The following CHFR variants were observed in gnomAD, a reference collection of about 807,000 sequenced individuals.
CHFR encodes the protein E3 ubiquitin-protein ligase CHFR.
A neutral mutation model predicts 87.6 loss-of-function variants in CHFR; 57 were observed. The observed-to-expected ratio is 0.65, with a 90% CI of 0.53 to 0.81. The LOEUF (loss-of-function observed/expected upper bound fraction) is 0.81. Ranked by LOEUF, CHFR falls within the 30% of genes least tolerant of loss-of-function variation. The probability of loss-of-function intolerance (pLI) is 0.00; values close to 1 mark genes in which losing one functional copy is unlikely to be tolerated. For missense variants in CHFR, 797 were observed against 865.8 expected, an observed-to-expected ratio of 0.92 and a Z score of 1.00; for synonymous variants, 381 against 359.2, an observed-to-expected ratio of 1.06 and a Z score of -0.69.
chr12:132,835,817 C>T lies in CHFR; in HGVS notation c.*5737G>A, dbSNP rs113258909. 3.6e-6 allele frequency: 1 copy of T among 276,844 alleles called. No homozygotes were observed. The highest frequency in any genetic ancestry group is 6.9e-6 in the Non-Finnish European group (1 of 145,678). The allele number at this position is 276,844 out of a possible 1,614,324, so 17.1% of individuals were successfully genotyped here. On this transcript the variant is annotated 3_prime_UTR_variant, in exon 18 of 18. Transcript: ENST00000450056. ...GCATGCTCCCAGCACAGCGCACGGCCCTCACAGTGCCAGGCTCCCAGCACA... is the reference window on the plus strand; with the variant it reads ...GCATGCTCCCAGCACAGCGCACGGCTCTCACAGTGCCAGGCTCCCAGCACA...
Position 132,872,358 on chromosome 12 carries a change from A to C in CHFR, c.270T>G (p.Val90=). 6.2e-7 allele frequency: 1 copy of C among 1,613,626 alleles called. No individual in the cohort carries two copies. The highest frequency in any genetic ancestry group is 8.5e-7 in the Non-Finnish European group (1 of 1,179,524). ...TCTGTAAAGGGCATGTCTGCTTCTT[A>C]ACAACCTTCAGCTTGTTAATCACTG... ...SGTVINKLKV[V]KKQTCPLQTG... The change falls in exon 4 of 18, where the codon GTT becomes GTG. Residue 90 remains valine (V), a synonymous_variant. Coordinates refer to ENST00000450056, the MANE Select transcript of CHFR (RefSeq NM_001161346.2).
intron 15 of CHFR, among the ~76,000 whole-genome samples, chr12:132,846,600 G>T (rs184400529): frequency 9.9e-4 from 150 of 152,006 alleles, no homozygotes; most frequent in African/African-American, 3.4e-3. Flanking sequence ...CAACCTGAAG[G>T]CCGGGCATAG....
chr12:132,874,726 G>A (rs1345037896), intron 3 of CHFR, among the ~76,000 whole-genome samples: 247 of 54,362 alleles, frequency 4.5e-3, no homozygotes, highest in Admixed American at 7.2e-3. Flanking sequence ...AGGAAGGCCC[G>A]GGACCAGCAC....
intron 14 of CHFR, 38 bp downstream of exon 14, chr12:132,848,047 T>C (rs1950864430): frequency 3.7e-6 from 6 of 1,610,818 alleles, no homozygotes; most frequent in Non-Finnish European, 3.4e-6. Flanking sequence ...AGGGAGAAAA[T>C]GTGGCTCCCG....
intron 7 of CHFR, 85 bp downstream of exon 7, chr12:132,861,382 C>A: frequency 7.2e-7 from 1 of 1,388,602 alleles, no homozygotes; most frequent in East Asian, 2.3e-5. Context: ...GGAAGCAATG[C>A]CCCACAGCAC....
Position 132,840,072 on chromosome 12 carries a change from C to A in CHFR, c.*1482G>T. 1 of 158,352 alleles carries A rather than the reference C, an allele frequency of 6.3e-6. No homozygotes were observed. Among genetic ancestry groups the A allele is most frequent in the South Asian group, 1.5e-4 (1 of 6,584 alleles). The allele number at this position is 158,352 out of a possible 1,614,324, so 9.8% of individuals were successfully genotyped here. A position where few individuals can be genotyped will look rare whatever the true frequency, so the allele number is the denominator to read the frequency against. The stretch of plus-strand genomic sequence containing the variant: ...CCCCTGCACTAACACGGGACCTCCC[C>A]TCTCAGCCCCACCCTTGCACAAACT... On this transcript the variant is annotated 3_prime_UTR_variant, in exon 18 of 18. Transcript: ENST00000450056.
chr12:132,840,650 G>A lies in CHFR; in HGVS notation c.*904C>T, dbSNP rs1376990440. ...GGCTCTGTAGGGTCTTGGAGGAAGG[G>A]CCCGGGCAGCATGAGGGAGCGGCGC... On this transcript the variant is annotated 3_prime_UTR_variant, in exon 18 of 18. Coordinates refer to ENST00000450056, the MANE Select transcript of CHFR (RefSeq NM_001161346.2). The A allele has an allele frequency of 6.5e-6, 1 of 152,694 alleles. No individual in the cohort carries two copies. Among genetic ancestry groups the A allele is most frequent in the Non-Finnish European group, 1.5e-5 (1 of 68,078 alleles). The allele number at this position is 152,694 out of a possible 1,614,324, so 9.5% of individuals were successfully genotyped here.
chr12:132,861,698 A>G (rs1169522695), intron 6 of CHFR, 64 bp from the exon 7 acceptor site: 4 of 1,493,864 alleles, frequency 2.7e-6, no homozygotes, highest in Non-Finnish European at 3.7e-6. Context: ...CCATGCCTGT[A>G]AGGTGTCACT....
chr12:132,851,542 G>C, intron 12 of CHFR, 76 bp downstream of exon 12: 1 of 1,485,514 alleles, frequency 6.7e-7, no homozygotes, highest in Non-Finnish European at 9.0e-7. Flanking sequence ...GTTACCCTAA[G>C]GCCAACACCG....
At chr12:132,883,477 G>C (rs537715809) in intron 2 of CHFR, among the ~76,000 whole-genome samples, 2 of 149,994 alleles carry the variant, frequency 1.3e-5, no homozygotes, top group East Asian at 3.9e-4. Flanking sequence ...TCTAATCCCA[G>C]CACTTTGGGA....
intron 2 of CHFR, 51 bp downstream of exon 2, chr12:132,887,144 AC>A: frequency 7.1e-7 from 1 of 1,406,870 alleles, no homozygotes; most frequent in Admixed American, 3.2e-5. Context: ...CCTGCCCGCA[AC>A]CCGGTGGCTC....
intron 12 of CHFR, among the ~76,000 whole-genome samples, chr12:132,851,075 C>T (rs1950933400): frequency 6.6e-6 from 1 of 151,866 alleles, no homozygotes; most frequent in Middle Eastern, 3.4e-3. Flanking sequence ...ACTGCAACCT[C>T]CTCCTCTCGG....
rs1950647896 is a variant in CHFR at position 132,836,509 on chromosome 12, C to T, written c.*5045G>A. The T allele has an allele frequency of 2.7e-6, 1 of 363,888 alleles. No homozygotes were observed. The highest frequency in any genetic ancestry group is 2.1e-5 in the South Asian group (1 of 47,916). The allele number at this position is 363,888 out of a possible 1,614,324, so 22.5% of individuals were successfully genotyped here. A position where few individuals can be genotyped will look rare whatever the true frequency, so the allele number is the denominator to read the frequency against. On this transcript the variant is annotated 3_prime_UTR_variant, in exon 18 of 18. Transcript: ENST00000450056. ...TCACAGTGACAGGCTCCCAGCACGG[C>T]GCACGGCACTCACAGTGACAGGCTC...
At chr12:132,857,254 G>A (rs944258351) in intron 9 of CHFR, 151 bp downstream of exon 9, 6 of 837,436 alleles carry the variant, frequency 7.2e-6, no homozygotes, top group Admixed American at 4.7e-5. Flanking sequence ...CCGGGTGCTG[G>A]TGGAGGGACC....
intron 12 of CHFR, 153 bp from the exon 13 acceptor site, chr12:132,848,877 G>A (rs1180560546): frequency 6.7e-6 from 4 of 599,168 alleles, no homozygotes; most frequent in East Asian, 2.8e-5. Context: ...TCCAGCTAAC[G>A]CCACCCAGGT....
intron 14 of CHFR, chr12:132,847,808 C>G: frequency 7.7e-7 from 1 of 1,304,802 alleles, no homozygotes; most frequent in Non-Finnish European, 9.8e-7. Context: ...GGAACAAGAG[C>G]TGCCGGGAAC....
At chr12:132,858,845 G>A (rs1231463988) in intron 8 of CHFR, among the ~76,000 whole-genome samples, 9 of 149,074 alleles carry the variant, frequency 6.0e-5, no homozygotes, top group Non-Finnish European at 1.5e-5. Flanking sequence ...TCAGAAGGCT[G>A]AGGTCAGAGA....
In CHFR at chr12:132,887,407, C is replaced by T. The variant is rs972907913; in HGVS notation, c.-12-67G>A. Reference sequence around the variant, plus strand: ...AGAGGCCGAGACTCGGCGCCCGCCCCACCCCGCGGGCCCCGGCCCGGCCGC... The same window carrying T: ...AGAGGCCGAGACTCGGCGCCCGCCCTACCCCGCGGGCCCCGGCCCGGCCGC... On this transcript the variant is annotated intron_variant, in intron 1 of 17. Transcript: ENST00000450056. 15 of 1,171,588 alleles carry T rather than the reference C, an allele frequency of 1.3e-5. No homozygotes were observed. The African/African-American group carries it at 2.4e-4, about 19-fold the overall frequency. The allele number at this position is 1,171,588 out of a possible 1,614,324, so 72.6% of individuals were successfully genotyped here.
At chr12:132,873,108 C>T (rs1202274965) in intron 3 of CHFR, among the ~76,000 whole-genome samples, 4 of 152,158 alleles carry the variant, frequency 2.6e-5, no homozygotes, top group East Asian at 1.9e-4. Flanking sequence ...AAACGGCAAC[C>T]GGGCAAAACG....
Sources: allele counts gnomAD v4.1 joint callset (sites outside exome capture counted in the v4.1 genomes callset), GRCh38; gene constraint gnomAD v4.1.1; transcripts MANE v1.5; gene names NCBI Gene and HGNC (gene_info 2026-07-23, HGNC 2026-07-21).